The following FSTL5 variants were observed in gnomAD, a reference collection of about 807,000 sequenced individuals.
FSTL5 encodes the protein follistatin-related protein 5.
A neutral mutation model predicts 89.1 loss-of-function variants in FSTL5; 62 were observed. The observed-to-expected ratio is 0.70, with a 90% CI of 0.57 to 0.86. The LOEUF is 0.86. FSTL5 is among the 40% of genes least tolerant of loss of function. The probability of loss-of-function intolerance (pLI) is 0.00; values close to 1 mark genes in which losing one functional copy is unlikely to be tolerated. For synonymous variants in FSTL5, 383 were observed against 346.2 expected (o/e 1.11, Z -1.18); for missense variants, 1,057 against 1,001.6 (o/e 1.06, Z -0.75).
At chr4:161,602,253 A>AAGAGAGAGAGAGAGAGAGAG (rs58991875) in intron 7 of FSTL5, among the ~76,000 whole-genome samples, 2 of 122,800 alleles carry the variant, frequency 1.6e-5, no homozygotes, top group African/African-American at 6.5e-5. Flanking sequence ...GAGGGAGAGA[A>AAGAGAGAGAGAGAGAGAGAG]AGAGAGAGAG....
intron 3 of FSTL5, among the ~76,000 whole-genome samples, chr4:161,966,935 C>T (rs796472194): frequency 6.6e-6 from 1 of 151,998 alleles, no homozygotes; most frequent in African/African-American, 2.4e-5. Flanking sequence ...TGACCAACTT[C>T]GCTTTAAATA....
intron 4 of FSTL5, among the ~76,000 whole-genome samples, chr4:161,821,774 C>T (rs574004313): frequency 6.6e-6 from 1 of 152,134 alleles, no homozygotes; most frequent in East Asian, 1.9e-4. Flanking sequence ...GCATGGTATT[C>T]CATGGTGTGT....
intron 6 of FSTL5, among the ~76,000 whole-genome samples, chr4:161,755,669 T>C (rs1740542995): frequency 6.6e-6 from 1 of 152,098 alleles, no homozygotes; most frequent in Non-Finnish European, 1.5e-5. Flanking sequence ...TTAGTCTTAA[T>C]ACATCTGTCA....
chr4:161,797,149 A>C (rs947159223), intron 4 of FSTL5, among the ~76,000 whole-genome samples: 1 of 151,550 alleles, frequency 6.6e-6, no homozygotes, highest in Non-Finnish European at 1.5e-5. Context: ...GCCTTTCTAT[A>C]TTAGGTCTCA....
At chr4:161,468,238 G>A (rs979142781) in intron 13 of FSTL5, among the ~76,000 whole-genome samples, 1 of 132,324 alleles carries the variant, frequency 7.6e-6, no homozygotes, top group Non-Finnish European at 1.6e-5. Flanking sequence ...AGGATTAAGT[G>A]CCTACATTTT....
At chr4:161,466,394 C>T (rs1200312149) in intron 13 of FSTL5, among the ~76,000 whole-genome samples, 4 of 152,154 alleles carry the variant, frequency 2.6e-5, no homozygotes, top group Non-Finnish European at 4.4e-5. Context: ...ATACACAGAA[C>T]TTGCGGTTTG....
chr4:162,030,439 A>G (rs1737476646), intron 3 of FSTL5, among the ~76,000 whole-genome samples: 1 of 152,174 alleles, frequency 6.6e-6, no homozygotes, highest in Admixed American at 6.6e-5. Flanking sequence ...GTGTCTCTTA[A>G]TTGCAGAGTC....
chr4:161,479,317 T>C (rs1729417751), intron 13 of FSTL5, among the ~76,000 whole-genome samples: 1 of 152,100 alleles, frequency 6.6e-6, no homozygotes, highest in African/African-American at 2.4e-5. Context: ...ATATTTTCTA[T>C]TAATTTTAAA....
chr4:161,457,657 A>T (rs1733407332), intron 14 of FSTL5, among the ~76,000 whole-genome samples: 1 of 152,156 alleles, frequency 6.6e-6, no homozygotes, highest in South Asian at 2.1e-4. Context: ...AAAAAAAGAC[A>T]TGAAAAAATT....
At chr4:161,603,272 T>G (rs1284765667) in intron 7 of FSTL5, among the ~76,000 whole-genome samples, 1 of 152,196 alleles carries the variant, frequency 6.6e-6, no homozygotes, top group Admixed American at 6.5e-5. Context: ...GTTTTTTGGT[T>G]TCCCAGTGCA....
At chr4:161,808,941 G>A (rs1487995018) in intron 4 of FSTL5, among the ~76,000 whole-genome samples, 6 of 152,080 alleles carry the variant, frequency 3.9e-5, no homozygotes, top group South Asian at 2.1e-4. Flanking sequence ...AATCATGACC[G>A]GGTGCGGTTG....
At chr4:161,885,157 CTT>C (rs1289935113) in intron 4 of FSTL5, among the ~76,000 whole-genome samples, 4 of 151,978 alleles carry the variant, frequency 2.6e-5, no homozygotes, top group African/African-American at 9.7e-5. Context: ...CAAAATAACT[CTT>C]TTGTGTATTG....
chr4:161,488,613 C>T (rs867359607), intron 12 of FSTL5, among the ~76,000 whole-genome samples: 1 of 151,940 alleles, frequency 6.6e-6, no homozygotes, highest in Non-Finnish European at 1.5e-5. Flanking sequence ...CTTGTTAACT[C>T]ATTGGTAAAT....
chr4:161,905,512 CATTT>C (rs1011263862), intron 4 of FSTL5, among the ~76,000 whole-genome samples: 1 of 151,750 alleles, frequency 6.6e-6, no homozygotes, highest in African/African-American at 2.4e-5. Flanking sequence ...AGTATGTGCT[CATTT>C]ATTTATTTAT....
chr4:161,593,010 A>C (rs138950296), intron 7 of FSTL5, among the ~76,000 whole-genome samples: 1 of 152,158 alleles, frequency 6.6e-6, no homozygotes, highest in African/African-American at 2.4e-5. Context: ...ATTTGCTCTG[A>C]GGATTTACCT....
intron 6 of FSTL5, among the ~76,000 whole-genome samples, chr4:161,730,278 T>G (rs930258706): frequency 6.6e-6 from 1 of 152,110 alleles, no homozygotes; most frequent in East Asian, 1.9e-4. Context: ...TAATAAAATA[T>G]AGTGTCAAAG....
At chr4:161,720,958 G>A (rs527517124) in intron 6 of FSTL5, among the ~76,000 whole-genome samples, 15 of 152,238 alleles carry the variant, frequency 9.9e-5, no homozygotes, top group Admixed American at 3.3e-4. Flanking sequence ...CATAGCACCC[G>A]TAGTTACCAA....
intron 3 of FSTL5, among the ~76,000 whole-genome samples, chr4:161,987,485 T>C (rs7685264): frequency 0.4 from 58,045 of 143,502 alleles, 11,809 homozygotes; most frequent in Middle Eastern, 0.55. Flanking sequence ...TATATATATA[T>C]ACATACATAT....
intron 3 of FSTL5, among the ~76,000 whole-genome samples, chr4:161,924,422 AGT>A (rs1734071676): frequency 6.6e-6 from 1 of 151,194 alleles, no homozygotes; most frequent in African/African-American, 2.4e-5. Flanking sequence ...ATACTTATAG[AGT>A]GTATCTAAAT....
Sources: allele counts gnomAD v4.1 joint callset (sites outside exome capture counted in the v4.1 genomes callset), GRCh38; gene constraint gnomAD v4.1.1; transcripts MANE v1.5; gene names NCBI Gene and HGNC (gene_info 2026-07-23, HGNC 2026-07-21).